The following CSMD3 variants were observed in gnomAD, a reference collection of about 807,000 sequenced individuals.
CSMD3 encodes CUB and Sushi multiple domains 3.
In CSMD3, 177 loss-of-function variants were observed where a neutral mutation model predicts 435.2. The ratio of observed to expected loss-of-function variants is 0.41; its 90% CI spans 0.36 to 0.46. The LOEUF (loss-of-function observed/expected upper bound fraction) is 0.46. CSMD3 is among the 20% of genes least tolerant of loss of function. The pLI, the probability that CSMD3 is intolerant of heterozygous loss-of-function variation, is 0.34. For missense variants in CSMD3, 4,265 were observed against 4,504.6 expected (o/e 0.95, Z 1.52); for synonymous variants, 1,656 against 1,520.5 (o/e 1.09, Z -2.07).
intron 27 of CSMD3, among the ~76,000 whole-genome samples, chr8:112,535,508 A>G (rs991467959): frequency 7.2e-5 from 11 of 151,908 alleles, no homozygotes; most frequent in African/African-American, 9.7e-5. Context: ...ACCACTGCTC[A>G]ATGAAATAAA....
In CSMD3 at chr8:112,498,704, G is replaced by T. The variant is rs543335239; in HGVS notation, c.5083+5086C>A. On this transcript the variant is annotated intron_variant, in intron 30 of 70. Coordinates refer to ENST00000297405, the MANE Select transcript of CSMD3 (RefSeq NM_198123.2). Reference sequence around the variant, plus strand: ...CTTTATCTCTACAGATTTGTTAAAAGGTTTCTTTCTTTCTTTCTTCTTTCT... The same window carrying T: ...CTTTATCTCTACAGATTTGTTAAAATGTTTCTTTCTTTCTTTCTTCTTTCT... Among the ~76,000 whole-genome samples, 29 of 151,998 alleles carry T rather than the reference G, an allele frequency of 1.9e-4. 1 individual carries two copies. The South Asian group carries it at 6.0e-3, about 32-fold the overall frequency.
At chr8:113,005,515 C>G (rs2086024015) in intron 6 of CSMD3, among the ~76,000 whole-genome samples, 2 of 151,856 alleles carry the variant, frequency 1.3e-5, no homozygotes, top group Admixed American at 1.3e-4. Context: ...AAAATATACT[C>G]TCAAATGTTT....
At chr8:113,226,340 A>G (rs1369808154) in intron 3 of CSMD3, among the ~76,000 whole-genome samples, 1 of 151,600 alleles carries the variant, frequency 6.6e-6, no homozygotes, top group African/African-American at 2.4e-5. Flanking sequence ...AAAATCTGCT[A>G]TGACTAATTA....
chr8:112,552,516 A>C, intron 26 of CSMD3, 78 bp downstream of exon 26: 1 of 1,373,794 alleles, frequency 7.3e-7, no homozygotes, highest in Non-Finnish European at 1.0e-6. Flanking sequence ...AATGAAATAA[A>C]TGGATATTAA....
intron 27 of CSMD3, among the ~76,000 whole-genome samples, chr8:112,542,529 G>A (rs10110963): frequency 0.31 from 46,982 of 151,536 alleles, 7,424 homozygotes; most frequent in East Asian, 0.47. Flanking sequence ...CGAACTATCT[G>A]AAAAGGATAC....
intron 1 of CSMD3, among the ~76,000 whole-genome samples, chr8:113,390,679 C>A (rs1033702672): frequency 6.6e-6 from 1 of 151,744 alleles, no homozygotes; most frequent in Non-Finnish European, 1.5e-5. Flanking sequence ...TACAGCTGTT[C>A]AGCCAAGGGT....
chr8:112,520,154 A>G (rs1402771478), intron 27 of CSMD3, among the ~76,000 whole-genome samples: 1 of 152,120 alleles, frequency 6.6e-6, no homozygotes, highest in Admixed American at 6.6e-5. Context: ...CAGCTAAGAA[A>G]GAGAAACTTT....
chr8:113,265,887 T>C (rs895259941), intron 3 of CSMD3, among the ~76,000 whole-genome samples: 2 of 151,546 alleles, frequency 1.3e-5, no homozygotes, highest in African/African-American at 4.8e-5. Context: ...GGTCAAGGTC[T>C]TTGCAGGTAT....
chr8:112,335,759 A>T (rs1824500978), intron 44 of CSMD3, among the ~76,000 whole-genome samples: 1 of 149,188 alleles, frequency 6.7e-6, no homozygotes, highest in African/African-American at 2.5e-5. Context: ...TTTTACCAAA[A>T]CTCTGATGCT....
At chr8:112,494,461 C>CT (rs1187927260) in intron 30 of CSMD3, among the ~76,000 whole-genome samples, 4 of 102,488 alleles carry the variant, frequency 3.9e-5, no homozygotes, top group Non-Finnish European at 7.8e-5. Context: ...TTCTTTCTCT[C>CT]CTTTCTCTTT....
chr8:112,457,096 C>A (rs1312287291), intron 32 of CSMD3, among the ~76,000 whole-genome samples: 1 of 152,050 alleles, frequency 6.6e-6, no homozygotes, highest in Non-Finnish European at 1.5e-5. Context: ...ACTTTGCATC[C>A]TTCTTCGGAT....
At chr8:113,250,891 T>G (rs186509005) in intron 3 of CSMD3, among the ~76,000 whole-genome samples, 1 of 152,106 alleles carries the variant, frequency 6.6e-6, no homozygotes, top group South Asian at 2.1e-4. Context: ...GACAGCCATA[T>G]TTATGAATAG....
intron 13 of CSMD3, among the ~76,000 whole-genome samples, chr8:112,701,857 A>G (rs1426770273): frequency 6.6e-6 from 1 of 152,140 alleles, no homozygotes; most frequent in Admixed American, 6.6e-5. Flanking sequence ...CTGCCTGAAA[A>G]GAAGGCATTC....
At chr8:112,402,736 G>A (rs972597455) in intron 35 of CSMD3, among the ~76,000 whole-genome samples, 2 of 152,114 alleles carry the variant, frequency 1.3e-5, no homozygotes, top group African/African-American at 4.8e-5. Context: ...AAAATCTACT[G>A]TGAGTTTTGA....
chr8:113,197,701 T>A (rs1274807390), intron 3 of CSMD3, among the ~76,000 whole-genome samples: 1 of 151,340 alleles, frequency 6.6e-6, no homozygotes, highest in African/African-American at 2.4e-5. Context: ...ATACACATTT[T>A]AAAACGATCT....
chr8:113,051,605 A>C (rs2088097314), intron 5 of CSMD3, among the ~76,000 whole-genome samples: 1 of 152,180 alleles, frequency 6.6e-6, no homozygotes, highest in African/African-American at 2.4e-5. Context: ...CTACAATGTA[A>C]ATACATATTT....
At chr8:112,584,028 G>A (rs1278496648) in intron 23 of CSMD3, among the ~76,000 whole-genome samples, 1 of 150,994 alleles carries the variant, frequency 6.6e-6, no homozygotes, top group Non-Finnish European at 1.5e-5. Flanking sequence ...TGACACAAAT[G>A]AACAAAAATG....
At chr8:112,966,471 CT>C (rs909383213) in intron 7 of CSMD3, among the ~76,000 whole-genome samples, 32 of 150,796 alleles carry the variant, frequency 2.1e-4, no homozygotes, top group Non-Finnish European at 3.7e-4. Flanking sequence ...TTTTCTTCTT[CT>C]TTTTTTCATT....
rs1825783062 is a variant in CSMD3 at position 112,533,853 on chromosome 8, ATAG to A, written c.4565-16631_4565-16629del. Among the ~76,000 whole-genome samples the A allele has an allele frequency of 3.3e-5, 5 of 152,124 alleles. No individual in the cohort carries two copies. In the South Asian group the frequency reaches 1.0e-3, roughly 32 times the overall value. On this transcript the variant is annotated intron_variant, in intron 27 of 70. Transcript: ENST00000297405. ...ATTAGCACCAGGAACATTCTCTGAG[ATAG>A]AGCATAGGTTATGCCACAAAACAAG... is the stretch of plus-strand genomic sequence containing the variant.
Sources: allele counts gnomAD v4.1 joint callset (sites outside exome capture counted in the v4.1 genomes callset), GRCh38; gene constraint gnomAD v4.1.1; transcripts MANE v1.5; gene names NCBI Gene and HGNC (gene_info 2026-07-23, HGNC 2026-07-21).